MYO1D: variants seen among roughly 807,000 people sequenced by gnomAD.
The protein encoded by MYO1D is unconventional myosin-Id.
A neutral mutation model predicts 122.0 loss-of-function variants in MYO1D; 83 were observed. That is an observed-to-expected ratio of 0.68 (90% confidence interval 0.57 to 0.82). The LOEUF (loss-of-function observed/expected upper bound fraction) is 0.82, where lower values mean the gene tolerates loss of function less well. Among genes scored for constraint, MYO1D ranks in the 40% least tolerant of loss-of-function variants. The pLI, the probability that MYO1D is intolerant of heterozygous loss-of-function variation, is 0.00. For synonymous variants in MYO1D, 464 were observed against 446.9 expected, an observed-to-expected ratio of 1.04 and a Z score of -0.48; for missense variants, 1,157 against 1,269.5, an observed-to-expected ratio of 0.91 and a Z score of 1.35.
chr17:32,511,780 CA>C (rs898948611), intron 21 of MYO1D, among the ~76,000 whole-genome samples: 1 of 152,166 alleles, frequency 6.6e-6, no homozygotes, highest in African/African-American at 2.4e-5. Flanking sequence ...CATGCACCAG[CA>C]CCCACACCTT....
intron 21 of MYO1D, chr17:32,497,692 G>C (rs1355377112): frequency 6.6e-6 from 1 of 152,342 alleles, no homozygotes; most frequent in African/African-American, 2.4e-5. Context: ...CGCTCTGGAA[G>C]GTCCAAGCCG....
intron 20 of MYO1D, among the ~76,000 whole-genome samples, chr17:32,629,673 C>T (rs1201164787): frequency 6.7e-6 from 1 of 150,160 alleles, no homozygotes; most frequent in Non-Finnish European, 1.5e-5. Flanking sequence ...GGAGGTTGCA[C>T]TGAGCCAAAA....
At chr17:32,755,464 A>G (rs781759280) in intron 11 of MYO1D, 28 bp downstream of exon 11, 2 of 1,602,552 alleles carry the variant, frequency 1.2e-6, no homozygotes. Context: ...CACAGATAAA[A>G]GGAAGAAGGT....
chr17:32,786,370 A>G (rs2090293955), intron 1 of MYO1D, among the ~76,000 whole-genome samples: 1 of 152,254 alleles, frequency 6.6e-6, no homozygotes, highest in African/African-American at 2.4e-5. Flanking sequence ...ATCACCTCCC[A>G]GAAGTCTCAG....
intron 1 of MYO1D, among the ~76,000 whole-genome samples, chr17:32,843,142 G>A (rs531276989): frequency 7.9e-5 from 12 of 151,954 alleles, no homozygotes; most frequent in Non-Finnish European, 1.8e-4. Flanking sequence ...CGCCCGCCTC[G>A]GCCTCCCAAA....
chr17:32,628,538 A>G (rs538686749), intron 20 of MYO1D, among the ~76,000 whole-genome samples: 2 of 152,314 alleles, frequency 1.3e-5, no homozygotes, highest in East Asian at 3.9e-4. Context: ...TCAGCTTTTA[A>G]TTATGTTTGC....
chr17:32,741,224 T>TAA (rs58505921), intron 13 of MYO1D, among the ~76,000 whole-genome samples: 4,018 of 100,198 alleles, frequency 0.04, 202 homozygotes, highest in African/African-American at 0.13. Context: ...ATACCACTTC[T>TAA]AAAAAAAAAA....
chr17:32,800,848 C>T (rs1322331469), intron 1 of MYO1D, among the ~76,000 whole-genome samples: 2 of 152,108 alleles, frequency 1.3e-5, no homozygotes, highest in African/African-American at 2.4e-5. Context: ...GCTAGGACTA[C>T]AGGTGCGTGC....
intron 11 of MYO1D, among the ~76,000 whole-genome samples, chr17:32,754,525 G>T (rs1010510157): frequency 1.3e-4 from 20 of 152,176 alleles, no homozygotes; most frequent in African/African-American, 4.1e-4. Flanking sequence ...ATTTCTTGAC[G>T]ATTTGGGCTT....
At chr17:32,545,633 A>G (rs979919600) in intron 21 of MYO1D, among the ~76,000 whole-genome samples, 7 of 152,182 alleles carry the variant, frequency 4.6e-5, no homozygotes, top group Admixed American at 1.3e-4. Flanking sequence ...CATATGGTAG[A>G]CTTTAATTAG....
intron 16 of MYO1D, among the ~76,000 whole-genome samples, chr17:32,670,444 G>C (rs977480672): frequency 6.6e-6 from 1 of 152,154 alleles, no homozygotes; most frequent in African/African-American, 2.4e-5. Flanking sequence ...GATTGAGAGA[G>C]AGAGAGAGAA....
In MYO1D at chr17:32,538,469, A is replaced by ATT. The variant is rs61287547; in HGVS notation, c.2865-43556_2865-43555dup. Among the ~76,000 whole-genome samples the ATT allele has an allele frequency of 4.5e-3, 516 of 113,592 alleles. 2 individuals carry two copies. Among genetic ancestry groups the ATT allele is most frequent in the African/African-American group, 0.014 (428 of 29,594 alleles). 74.5% of individuals were successfully genotyped at this position (113,592 alleles called of 152,430 possible). On this transcript the variant is annotated intron_variant, in intron 21 of 21. Coordinates refer to ENST00000318217, the MANE Select transcript of MYO1D (RefSeq NM_015194.3). ...CTGGATAATTATTATTATTATTATTATTTTTTTTTTTGTAGAGATGGGGTC... is the reference window on the plus strand; with the variant it reads ...CTGGATAATTATTATTATTATTATTATTTTTTTTTTTTTGTAGAGATGGGGTC...
At chr17:32,773,539 C>A (rs1218401380) in intron 4 of MYO1D, among the ~76,000 whole-genome samples, 2 of 149,558 alleles carry the variant, frequency 1.3e-5, no homozygotes, top group African/African-American at 5.0e-5. Flanking sequence ...TACCCCCACC[C>A]CCCGACCCCG....
At chr17:32,871,426 A>G in intron 1 of MYO1D, among the ~76,000 whole-genome samples, 1 of 152,240 alleles carries the variant, frequency 6.6e-6, no homozygotes, top group East Asian at 1.9e-4. Context: ...TACAAAAGAC[A>G]TACTGTGTTA....
chr17:32,540,658 G>C (rs1162535328), intron 21 of MYO1D, among the ~76,000 whole-genome samples: 1 of 152,094 alleles, frequency 6.6e-6, no homozygotes. Context: ...ATGCATGGTG[G>C]CTCACTCCTG....
intron 1 of MYO1D, among the ~76,000 whole-genome samples, chr17:32,870,215 A>C (rs985523280): frequency 6.6e-6 from 1 of 152,242 alleles, no homozygotes. Flanking sequence ...AAACAGGCAG[A>C]GAGCAAACTG....
intron 16 of MYO1D, among the ~76,000 whole-genome samples, chr17:32,660,731 C>A (rs1028400079): frequency 2.6e-5 from 4 of 152,210 alleles, no homozygotes; most frequent in African/African-American, 9.7e-5. Flanking sequence ...CTCGTCATCT[C>A]ATGTGGCGTC....
In MYO1D at chr17:32,772,727, C is replaced by G. The variant is rs1258452612; in HGVS notation, c.618+62G>C. 2.9e-6 allele frequency: 4 copies of G among 1,381,818 alleles called. No homozygotes were observed. In the Admixed American group the frequency reaches 5.1e-5, roughly 17 times the overall value. The allele number at this position is 1,381,818 out of a possible 1,614,324, so 85.6% of individuals were successfully genotyped here. Reference sequence around the variant, plus strand: ...ATAGGACAGGGGAAAGCCCAAGACACAAATACTCATTTCCTGCACAACTGG... The same window carrying G: ...ATAGGACAGGGGAAAGCCCAAGACAGAAATACTCATTTCCTGCACAACTGG... On this transcript the variant is annotated intron_variant, in intron 5 of 21. Coordinates refer to ENST00000318217, the MANE Select transcript of MYO1D (RefSeq NM_015194.3).
At chr17:32,844,997 C>G (rs865797353) in intron 1 of MYO1D, among the ~76,000 whole-genome samples, 1 of 151,346 alleles carries the variant, frequency 6.6e-6, no homozygotes, top group African/African-American at 2.4e-5. Context: ...AAAAATGCAG[C>G]TTAAGGCAAC....
Sources: gnomAD v4.1 joint callset for allele counts (sites outside exome capture counted in the v4.1 genomes callset) on GRCh38, gnomAD v4.1.1 for gene constraint, MANE v1.5 for transcripts, NCBI Gene and HGNC (gene_info 2026-07-23, HGNC 2026-07-21) for gene names.